ARHGAP42: variants seen among roughly 807,000 people sequenced by gnomAD.
ARHGAP42 encodes Rho GTPase activating protein 42.
A neutral mutation model predicts 125.0 loss-of-function variants in ARHGAP42; 63 were observed. The ratio of observed to expected loss-of-function variants is 0.50; its 90% confidence interval spans 0.41 to 0.62. ARHGAP42 has a LOEUF of 0.62. Among genes scored for constraint, ARHGAP42 ranks in the 20% least tolerant of loss-of-function variants. ARHGAP42 has a pLI of 0.00. For missense variants in ARHGAP42, 766 were observed against 1,024.2 expected, an observed-to-expected ratio of 0.75 and a Z score of 3.44; for synonymous variants, 339 against 351.0, an observed-to-expected ratio of 0.97 and a Z score of 0.38.
intron 4 of ARHGAP42, among the ~76,000 whole-genome samples, chr11:100,864,065 A>G (rs1055961341): frequency 1.3e-5 from 2 of 152,132 alleles, no homozygotes; most frequent in African/African-American, 4.8e-5. Flanking sequence ...CATTTCCATG[A>G]CCGTGTTGGA....
chr11:100,850,469 A>G (rs567282678), intron 3 of ARHGAP42, among the ~76,000 whole-genome samples: 16 of 152,298 alleles, frequency 1.1e-4, no homozygotes, highest in Admixed American at 8.5e-4. Flanking sequence ...CTTCAGCTCC[A>G]TTATAATCTT....
chr11:100,861,584 G>T (rs190621976), intron 4 of ARHGAP42, among the ~76,000 whole-genome samples: 1 of 152,300 alleles, frequency 6.6e-6, no homozygotes, highest in Admixed American at 6.5e-5. Flanking sequence ...TATTTTAGAG[G>T]TGAAATGACA....
At chr11:100,699,504 ATATTTTTTTTTTTTTTTTTTT>A (rs1276456070) in intron 1 of ARHGAP42, among the ~76,000 whole-genome samples, 6 of 33,566 alleles carry the variant, frequency 1.8e-4, no homozygotes, top group African/African-American at 6.7e-4. Flanking sequence ...ATATATATAT[ATATTTTTTTTTTTTTTTTTTT>A]TTTTTTTTTT....
At chr11:100,736,597 C>G (rs867531642) in intron 1 of ARHGAP42, among the ~76,000 whole-genome samples, 1 of 152,144 alleles carries the variant, frequency 6.6e-6, no homozygotes, top group Non-Finnish European at 1.5e-5. Flanking sequence ...TTCTCTCTTT[C>G]TTTTAATGGA....
chr11:100,771,010 T>C (rs1158522536), intron 2 of ARHGAP42, among the ~76,000 whole-genome samples: 1 of 152,270 alleles, frequency 6.6e-6, no homozygotes, highest in Non-Finnish European at 1.5e-5. Flanking sequence ...CAAACAAATA[T>C]ATATTAGGTA....
intron 4 of ARHGAP42, among the ~76,000 whole-genome samples, chr11:100,897,034 A>T (rs190741426): frequency 6.6e-6 from 1 of 152,182 alleles, no homozygotes; most frequent in Non-Finnish European, 1.5e-5. Flanking sequence ...TAAGGAAAGG[A>T]TCCAGTTTCA....
intron 17 of ARHGAP42, among the ~76,000 whole-genome samples, chr11:100,969,383 A>G (rs1402386723): frequency 1.3e-5 from 2 of 152,112 alleles, no homozygotes; most frequent in East Asian, 1.9e-4. Context: ...TCTTGGATAT[A>G]TAGATTAATG....
At chr11:100,927,843 A>C (rs538644816) in intron 6 of ARHGAP42, among the ~76,000 whole-genome samples, 1 of 152,130 alleles carries the variant, frequency 6.6e-6, no homozygotes, top group Non-Finnish European at 1.5e-5. Context: ...AGTGCACGTA[A>C]TTGTCCATTC....
chr11:100,906,329 G>A (rs1224260338), intron 4 of ARHGAP42, among the ~76,000 whole-genome samples: 1 of 152,136 alleles, frequency 6.6e-6, no homozygotes, highest in East Asian at 1.9e-4. Context: ...GAAATAGAAA[G>A]CTAGGTTTGA....
At chr11:100,968,808 G>A (rs561893080) in intron 17 of ARHGAP42, among the ~76,000 whole-genome samples, 1 of 152,042 alleles carries the variant, frequency 6.6e-6, no homozygotes, top group African/African-American at 2.4e-5. Flanking sequence ...AATGTTATAG[G>A]CCCAACAATA....
intron 4 of ARHGAP42, among the ~76,000 whole-genome samples, chr11:100,895,652 A>C (rs534907538): frequency 6.6e-6 from 1 of 152,078 alleles, no homozygotes; most frequent in South Asian, 2.1e-4. Flanking sequence ...TATTTGAGGA[A>C]GGCATCTGGG....
chr11:100,976,459 G>A (rs1467020537), intron 20 of ARHGAP42, 22 bp downstream of exon 20: 1 of 1,496,420 alleles, frequency 6.7e-7, no homozygotes, highest in Non-Finnish European at 8.9e-7. Context: ...TGGAACTTGT[G>A]CAAGATGTCA....
chr11:100,975,825 C>T (rs998143792), intron 19 of ARHGAP42, among the ~76,000 whole-genome samples: 7 of 152,138 alleles, frequency 4.6e-5, no homozygotes, highest in African/African-American at 1.7e-4. Context: ...TAGGTACATA[C>T]ATAAACTTCC....
At chr11:100,835,421 T>C (rs1026071303) in intron 3 of ARHGAP42, among the ~76,000 whole-genome samples, 1 of 152,142 alleles carries the variant, frequency 6.6e-6, no homozygotes, top group Non-Finnish European at 1.5e-5. Context: ...TTAACATATT[T>C]ATATATGAGT....
chr11:100,929,384 C>T (rs367654744), intron 6 of ARHGAP42, among the ~76,000 whole-genome samples: 3 of 152,142 alleles, frequency 2.0e-5, no homozygotes, highest in East Asian at 1.9e-4. Flanking sequence ...GGATTGGGGA[C>T]CCCTATTATA....
chr11:100,897,156 G>C (rs902313623), intron 4 of ARHGAP42, among the ~76,000 whole-genome samples: 6 of 152,174 alleles, frequency 3.9e-5, no homozygotes, highest in Non-Finnish European at 8.8e-5. Flanking sequence ...TTGTAGATGT[G>C]TGGTGTTATT....
chr11:100,915,415 G>A (rs1867036371), intron 5 of ARHGAP42, among the ~76,000 whole-genome samples: 1 of 152,104 alleles, frequency 6.6e-6, no homozygotes, highest in South Asian at 2.1e-4. Flanking sequence ...ATGGCCAGGT[G>A]CCTTTTTACA....
intron 1 of ARHGAP42, among the ~76,000 whole-genome samples, chr11:100,695,434 G>A (rs537837938): frequency 6.6e-6 from 1 of 152,232 alleles, no homozygotes; most frequent in East Asian, 1.9e-4. Flanking sequence ...CTCCCAAGGA[G>A]CTGGGATTAT....
rs940687475 is a variant in ARHGAP42, at chr11:100,903,127, A to G, written c.385-10325A>G. ...TGCTGTCCAAGATGCGCACACACACACACACACACACACACACACACACAC... is the reference window on the plus strand; with the variant it reads ...TGCTGTCCAAGATGCGCACACACACGCACACACACACACACACACACACAC... On this transcript the variant is annotated intron_variant, in intron 4 of 23. Transcript: ENST00000298815. Among the ~76,000 whole-genome samples the G allele has an allele frequency of 7.3e-5, 11 of 151,096 alleles. No individual in the cohort carries two copies. The East Asian group carries it at 2.0e-3, about 27-fold the overall frequency.
Sources: allele counts gnomAD v4.1 joint callset (sites outside exome capture counted in the v4.1 genomes callset), GRCh38; gene constraint gnomAD v4.1.1; transcripts MANE v1.5; gene names NCBI Gene and HGNC (gene_info 2026-07-23, HGNC 2026-07-21).